RB1CC1: variants seen among roughly 807,000 people sequenced by gnomAD.
RB1CC1 encodes the protein RB1-inducible coiled-coil protein 1.
A neutral mutation model predicts 177.5 loss-of-function variants in RB1CC1; 46 were observed. That is an observed-to-expected ratio of 0.26 (90% CI 0.20 to 0.33). The LOEUF (loss-of-function observed/expected upper bound fraction) is 0.33, where lower values mean the gene tolerates loss of function less well. RB1CC1 is among the 10% of genes least tolerant of loss of function. The probability of loss-of-function intolerance (pLI) is 1.00; values close to 1 mark genes in which losing one functional copy is unlikely to be tolerated. For missense variants in RB1CC1, 1,703 were observed against 1,816.3 expected, an observed-to-expected ratio of 0.94 and a Z score of 1.13; for synonymous variants, 666 against 613.6, an observed-to-expected ratio of 1.09 and a Z score of -1.26.
intron 18 of RB1CC1, among the ~76,000 whole-genome samples, chr8:52,639,167 T>C (rs10504143): frequency 0.037 from 5,627 of 152,202 alleles, 139 homozygotes; most frequent in South Asian, 0.065. Flanking sequence ...AGGAGAAAAA[T>C]GATATCTTAA....
intron 8 of RB1CC1, among the ~76,000 whole-genome samples, chr8:52,663,843 T>C (rs552948502): frequency 2.6e-5 from 4 of 152,258 alleles, no homozygotes; most frequent in East Asian, 3.9e-4. Context: ...GTTCCTACTA[T>C]GTATGTATCA....
rs758017332 is a variant in RB1CC1, at chr8:52,676,389, G to A, written c.552C>T (p.Asp184=). 4.0e-5 allele frequency: 64 copies of A among 1,605,564 alleles called. No individual in the cohort carries two copies. The highest frequency in any genetic ancestry group is 4.9e-5 in the Non-Finnish European group (58 of 1,176,318). The change falls in exon 6 of 24, where the codon GAC becomes GAT. Residue 184 remains aspartate, a synonymous_variant. Coordinates refer to ENST00000025008, the MANE Select transcript of RB1CC1 (RefSeq NM_014781.5). ...IYSNYLQSIE[D]IKLKLTHLGT... is the part of the protein sequence containing the mutation. ...CATACTGAGTAAGTTTTAACTTGAT[G>A]TCTTCTATGGACTGCAGATAATTTG... is the stretch of plus-strand genomic sequence containing the variant.
chr8:52,676,403 G>A lies in RB1CC1; in HGVS notation c.538C>T (p.Gln180Ter). Residue 180 changes from glutamine to a stop codon, truncating the protein, a stop_gained, in exon 6 of 24, where the codon CAG (glutamine) becomes TAG (stop). Coordinates refer to ENST00000025008, the MANE Select transcript of RB1CC1 (RefSeq NM_014781.5). LOFTEE classifies it high-confidence loss of function. ...TTTAACTTGATGTCTTCTATGGACT[G>A]CAGATAATTTGAATAAATACTTTCA... ...KFESIYSNYL[Q>*]SIEDIKLKLT... The A allele has an allele frequency of 6.2e-7, 1 of 1,611,528 alleles. No individual in the cohort carries two copies. The highest frequency in any genetic ancestry group is 2.2e-5 in the East Asian group (1 of 44,856).
chr8:52,643,044 A>G (rs1849711562), intron 16 of RB1CC1: 1 of 352,602 alleles, frequency 2.8e-6, no homozygotes. Flanking sequence ...ATTATTGTCC[A>G]TATATTTACT....
At position 52,656,054 on chromosome 8, in the gene RB1CC1, C is replaced by G; in HGVS notation, c.3775G>C (p.Glu1259Gln). 3.1e-6 allele frequency: 5 copies of G among 1,612,242 alleles called. No homozygotes were observed. The South Asian group carries it at 3.3e-5, about 11-fold the overall frequency. ...FKLEREVVEK[E>Q]LLEKVKHLEN... ...AGATGTTTAACTTTTTCTAATAACT[C>G]TTTCTCAACAACTTCTCTCTCCAAT... is the stretch of plus-strand genomic sequence containing the variant. Residue 1259 changes from glutamate (E) to glutamine (Q), a missense_variant, in exon 15 of 24, where the codon GAG (glutamate) becomes CAG (glutamine). By Grantham distance (29) the Glu-to-Gln change is conservative. Coordinates refer to ENST00000025008, the MANE Select transcript of RB1CC1 (RefSeq NM_014781.5).
intron 15 of RB1CC1, among the ~76,000 whole-genome samples, chr8:52,652,392 G>A (rs1382289238): frequency 6.6e-6 from 1 of 151,314 alleles, no homozygotes; most frequent in Non-Finnish European, 1.5e-5. Flanking sequence ...CTTGAACCTG[G>A]GAGGTTGCAG....
chr8:52,660,799 A>T, intron 11 of RB1CC1, 127 bp downstream of exon 11: 1 of 1,092,672 alleles, frequency 9.2e-7, no homozygotes. Context: ...TATACACTTT[A>T]AAAGGAATAT....
At chr8:52,703,679 T>C (rs111820017) in intron 1 of RB1CC1, among the ~76,000 whole-genome samples, 19 of 152,350 alleles carry the variant, frequency 1.2e-4, no homozygotes, top group African/African-American at 3.4e-4. Context: ...CAAGTAAGTG[T>C]TGGTATTCAG....
intron 15 of RB1CC1, among the ~76,000 whole-genome samples, chr8:52,651,200 A>G (rs1850542023): frequency 6.6e-6 from 1 of 152,238 alleles, no homozygotes; most frequent in Non-Finnish European, 1.5e-5. Context: ...TCCAGACTCA[A>G]TATTGGCTAT....
intron 18 of RB1CC1, 46 bp from the exon 19 acceptor site, chr8:52,636,115 A>G (rs1341122116): frequency 1.3e-6 from 2 of 1,561,988 alleles, no homozygotes; most frequent in Non-Finnish European, 8.7e-7. Flanking sequence ...TCTAAACTTT[A>G]CATTCTTCAA....
At chr8:52,680,261 G>A (rs1853572059) in intron 5 of RB1CC1, among the ~76,000 whole-genome samples, 1 of 152,028 alleles carries the variant, frequency 6.6e-6, no homozygotes, top group South Asian at 2.1e-4. Flanking sequence ...TTATAAAAAA[G>A]AACTCAACAC....
intron 15 of RB1CC1, among the ~76,000 whole-genome samples, chr8:52,650,675 T>A (rs962399691): frequency 1.3e-5 from 2 of 152,156 alleles, no homozygotes; most frequent in Non-Finnish European, 2.9e-5. Context: ...ACATGGAAAC[T>A]GAGATTAATT....
In RB1CC1 at chr8:52,657,021, C is replaced by T. The variant is rs1353137322; in HGVS notation, c.2808G>A (p.Glu936=). Residue 936 remains glutamate (E), a synonymous_variant, in exon 15 of 24, where the codon GAG becomes GAA. Coordinates refer to ENST00000025008, the MANE Select transcript of RB1CC1 (RefSeq NM_014781.5). ...LQNEKDQKLL[E]MENIMHSQNC... is the part of the protein sequence containing the mutation. The stretch of plus-strand genomic sequence containing the variant: ...TTTGAGAGTGCATTATATTTTCCAT[C>T]TCTAACAACTTCTGATCCTTTTCAT... 4 of 1,613,726 alleles carry T rather than the reference C, an allele frequency of 2.5e-6. No individual in the cohort carries two copies. Among genetic ancestry groups the T allele is most frequent in the Non-Finnish European group, 3.4e-6 (4 of 1,179,924 alleles).
intron 6 of RB1CC1, among the ~76,000 whole-genome samples, chr8:52,674,603 A>G (rs1852917274): frequency 6.6e-6 from 1 of 152,092 alleles, no homozygotes; most frequent in Admixed American, 6.5e-5. Flanking sequence ...ACCCAGTTCT[A>G]CTAAACGTAC....
intron 5 of RB1CC1, among the ~76,000 whole-genome samples, chr8:52,681,897 G>A (rs1407752411): frequency 6.6e-6 from 1 of 152,248 alleles, no homozygotes; most frequent in Non-Finnish European, 1.5e-5. Flanking sequence ...GGCCCTCATG[G>A]AGAACCTGTT....
chr8:52,633,953 A>G (rs1563351786), intron 20 of RB1CC1, among the ~76,000 whole-genome samples: 1 of 151,384 alleles, frequency 6.6e-6, no homozygotes, highest in Non-Finnish European at 1.5e-5. Flanking sequence ...ACCTAAAACC[A>G]AAACAAAACA....
At chr8:52,637,526 C>T (rs550657977) in intron 18 of RB1CC1, among the ~76,000 whole-genome samples, 26 of 152,118 alleles carry the variant, frequency 1.7e-4, no homozygotes, top group Non-Finnish European at 3.5e-4. Flanking sequence ...GCACACTGAA[C>T]CTGTATCCTC....
chr8:52,675,889 A>G (rs568828499), intron 6 of RB1CC1, among the ~76,000 whole-genome samples: 33 of 129,604 alleles, frequency 2.5e-4, no homozygotes, highest in African/African-American at 5.8e-4. Context: ...TCCGTCTCAG[A>G]AAAAAAAAAA....
intron 12 of RB1CC1, 56 bp downstream of exon 12, chr8:52,660,540 G>GA (rs1219854007): frequency 9.1e-6 from 13 of 1,430,618 alleles, no homozygotes; most frequent in South Asian, 2.6e-5. Flanking sequence ...TCTACTTCTG[G>GA]AAAAAAGGTT....
Sources: gnomAD v4.1 joint callset for allele counts (sites outside exome capture counted in the v4.1 genomes callset) on GRCh38, gnomAD v4.1.1 for gene constraint, MANE v1.5 for transcripts, NCBI Gene and HGNC (gene_info 2026-07-23, HGNC 2026-07-21) for gene names.